SV2B: variants seen among roughly 807,000 people sequenced by gnomAD.
SV2B encodes synaptic vesicle glycoprotein 2B.
A neutral mutation model predicts 73.9 loss-of-function variants in SV2B; 41 were observed. That is an observed-to-expected ratio of 0.56 (90% confidence interval 0.43 to 0.72). The LOEUF is 0.72. Among genes scored for constraint, SV2B ranks in the 30% least tolerant of loss-of-function variants. The pLI is 0.00. For synonymous variants in SV2B, 314 were observed against 314.2 expected (o/e 1.00, Z 0.01); for missense variants, 764 against 857.8 (o/e 0.89, Z 1.37).
rs989498464 is a variant in SV2B, at chr15:91,292,639, G to A, written c.*87G>A. ...ACTTCCTGCCTATCACGGTCCGGAG[G>A]ACACCTTGGATAGCACGGGAGGAGA... is the stretch of plus-strand genomic sequence containing the variant. On this transcript the variant is annotated 3_prime_UTR_variant, in exon 13 of 13. Coordinates refer to ENST00000394232, the MANE Select transcript of SV2B (RefSeq NM_001323032.3). 29 of 1,483,412 alleles carry A rather than the reference G, an allele frequency of 2.0e-5. No individual in the cohort carries two copies. Among genetic ancestry groups the A allele is most frequent in the Non-Finnish European group, 2.4e-5 (27 of 1,107,010 alleles). The allele number at this position is 1,483,412 out of a possible 1,614,324, so 91.9% of individuals were successfully genotyped here.
At chr15:91,215,062 G>C (rs1596600583) in intron 1 of SV2B, among the ~76,000 whole-genome samples, 2 of 152,196 alleles carry the variant, frequency 1.3e-5, no homozygotes, top group East Asian at 3.9e-4. Context: ...CTGCAGGAGG[G>C]ACAGGTTCTG....
chr15:91,289,656 T>C lies in SV2B; in HGVS notation c.1844T>C (p.Val615Ala), dbSNP rs1245384888. Residue 615 changes from valine to alanine, a missense_variant, in exon 12 of 13, where the codon GTG (valine) becomes GCG (alanine). By Grantham distance (64) the Val-to-Ala change is moderately conservative (BLOSUM62 0). Transcript: ENST00000394232. This position sits in a 1 kb window ranked among gnomAD's most constrained non-coding sequence, Gnocchi z 4.9. Reference protein sequence around the residue: ...AAWNALDVITVELYPTNQRAT... With the variant: ...AAWNALDVITAELYPTNQRAT... ...TGGAATGCTCTGGATGTGATCACAG[T>C]GGAGCTGTATCCCACCAACCAGAGG... 1.9e-6 allele frequency: 3 copies of C among 1,613,538 alleles called. No individual in the cohort carries two copies. The African/African-American group carries it at 4.0e-5, about 22-fold the overall frequency.
chr15:91,213,566 C>G (rs766154054), intron 1 of SV2B, among the ~76,000 whole-genome samples: 5 of 152,090 alleles, frequency 3.3e-5, no homozygotes, highest in Non-Finnish European at 4.4e-5. Context: ...GGCAGCACTT[C>G]CTGTCTGGGT....
chr15:91,266,722 A>T, intron 7 of SV2B, 30 bp downstream of exon 7: 1 of 1,539,018 alleles, frequency 6.5e-7, no homozygotes, highest in Non-Finnish European at 9.0e-7. Context: ...TTGGATGAGG[A>T]TGCGTCTCTA....
chr15:91,292,686 T>C lies in SV2B; in HGVS notation c.*134T>C. 1.8e-6 allele frequency: 2 copies of C among 1,092,314 alleles called. No homozygotes were observed. Among genetic ancestry groups the C allele is most frequent in the South Asian group, 3.6e-5 (2 of 55,880 alleles). 67.7% of individuals were successfully genotyped at this position (1,092,314 alleles called of 1,614,324 possible). ...GAGAAGTTGACTTTGTGACCCCTAG[T>C]TTAGGACCCACTTCAGCTGTCAATA... On this transcript the variant is annotated 3_prime_UTR_variant, in exon 13 of 13. Transcript: ENST00000394232.
chr15:91,185,762 A>G (rs1436076786), intron 1 of SV2B, among the ~76,000 whole-genome samples: 1 of 152,220 alleles, frequency 6.6e-6, no homozygotes, highest in Non-Finnish European at 1.5e-5. Context: ...AGTACCTTGC[A>G]AGGCAGATTG....
chr15:91,247,960 T>C (rs1207991787), intron 2 of SV2B, among the ~76,000 whole-genome samples: 1 of 152,152 alleles, frequency 6.6e-6, no homozygotes, highest in Non-Finnish European at 1.5e-5. Context: ...TTATTATTAT[T>C]ATTCGATTCT....
chr15:91,266,733 T>C (rs2048118040), intron 7 of SV2B, 41 bp downstream of exon 7: 2 of 1,490,626 alleles, frequency 1.3e-6, no homozygotes, highest in Non-Finnish European at 1.9e-6. Flanking sequence ...TGCGTCTCTA[T>C]GGGAGTCTCT....
chr15:91,292,225 A>G, intron 12 of SV2B, 144 bp from the exon 13 acceptor site: 1 of 680,768 alleles, frequency 1.5e-6, no homozygotes, highest in South Asian at 2.6e-5. Context: ...AAATTTGACT[A>G]CAATGAGAAT....
chr15:91,159,900 A>G (rs2043649891), intron 1 of SV2B, among the ~76,000 whole-genome samples: 1 of 152,196 alleles, frequency 6.6e-6, no homozygotes, highest in African/African-American at 2.4e-5. Flanking sequence ...TCTGGAAAAA[A>G]GATGAATACA....
In SV2B at chr15:91,281,910, T is replaced by G; in HGVS notation, c.1507+49T>G. On this transcript the variant is annotated intron_variant, in intron 10 of 12. Coordinates refer to ENST00000394232, the MANE Select transcript of SV2B (RefSeq NM_001323032.3). This position sits in a 1 kb window ranked among gnomAD's most constrained non-coding sequence, Gnocchi z 4.7. ...GAATAGAAAGTAACAGGAGACAACT[T>G]GTGTTGTCCAAGAATCAAAATGGTC... 1 of 1,548,358 alleles carries G rather than the reference T, an allele frequency of 6.5e-7. No individual in the cohort carries two copies. The highest frequency in any genetic ancestry group is 8.8e-7 in the Non-Finnish European group (1 of 1,139,858).
rs980220719 is a variant in SV2B, at chr15:91,145,461, T to C, written c.-392+45098T>C. ...GCTGCAATGAACATACATGTGCATA[T>C]GTTTTTATAATAGAATGCTTTATAT... On this transcript the variant is annotated intron_variant, in intron 1 of 12. Coordinates refer to ENST00000394232, the MANE Select transcript of SV2B (RefSeq NM_001323032.3). Among the ~76,000 whole-genome samples the C allele has an allele frequency of 3.9e-5, 6 of 152,236 alleles. No individual in the cohort carries two copies. In the South Asian group the frequency reaches 1.0e-3, roughly 26 times the overall value.
At position 91,229,797 on chromosome 15, in the gene SV2B, C is replaced by T. The variant is rs1417142975; in HGVS notation, c.451+3083C>T. ...TGATAATGACTCAGGAACAGATTTT[C>T]TCAGGTGAGACTGCAAATTTCTTTC... is the stretch of plus-strand genomic sequence containing the variant. On this transcript the variant is annotated intron_variant, in intron 2 of 12. Coordinates refer to ENST00000394232, the MANE Select transcript of SV2B (RefSeq NM_001323032.3). This position sits in a 1 kb window ranked among gnomAD's most constrained non-coding sequence, Gnocchi z 4.3. 6.6e-6 allele frequency among the ~76,000 whole-genome samples: 1 copy of T among 152,182 alleles called. No individual in the cohort carries two copies. The highest frequency in any genetic ancestry group is 1.5e-5 in the Non-Finnish European group (1 of 68,026).
Position 91,268,323 on chromosome 15 carries a change from A to G in SV2B, c.1209-118A>G. The G allele has an allele frequency of 9.4e-7, 1 of 1,063,820 alleles. No homozygotes were observed. The highest frequency in any genetic ancestry group is 1.3e-6 in the Non-Finnish European group (1 of 759,832). 65.9% of individuals were successfully genotyped at this position (1,063,820 alleles called of 1,614,324 possible). On this transcript the variant is annotated intron_variant, in intron 8 of 12. Transcript: ENST00000394232. The surrounding 1 kb of genome is among the most constrained non-coding windows in gnomAD (Gnocchi z 4.4). ...ATTTATATTGTCAGATTTTCTAATA[A>G]TGAACCAAATTAATGTATTTTCAAT... is the stretch of plus-strand genomic sequence containing the variant.
chr15:91,169,107 C>T (rs1322807376), intron 1 of SV2B, among the ~76,000 whole-genome samples: 2 of 152,126 alleles, frequency 1.3e-5, no homozygotes, highest in East Asian at 1.9e-4. Flanking sequence ...TGTTTTTCTG[C>T]ATATGAAGTA....
chr15:91,134,781 C>A (rs1334811207), intron 1 of SV2B, among the ~76,000 whole-genome samples: 4 of 152,076 alleles, frequency 2.6e-5, no homozygotes, highest in Non-Finnish European at 5.9e-5. Context: ...AAGCAAACAA[C>A]CCCAATAAAA....
chr15:91,214,874 C>A lies in SV2B; in HGVS notation c.-391-10999C>A, dbSNP rs919553438. On this transcript the variant is annotated intron_variant, in intron 1 of 12. Coordinates refer to ENST00000394232, the MANE Select transcript of SV2B (RefSeq NM_001323032.3). This position sits in a 1 kb window ranked among gnomAD's most constrained non-coding sequence, Gnocchi z 4.7. ...CCTCAATGCTGCCTTCAGGAGCAAG[C>A]CTTCTGCCATCTGCCAGGCAGTTCT... 2.0e-5 allele frequency among the ~76,000 whole-genome samples: 3 copies of A among 152,206 alleles called. No homozygotes were observed. The highest frequency in any genetic ancestry group is 7.2e-5 in the African/African-American group (3 of 41,462).
At chr15:91,215,562 G>A (rs746203324) in intron 1 of SV2B, among the ~76,000 whole-genome samples, 96 of 152,148 alleles carry the variant, frequency 6.3e-4, no homozygotes, top group Non-Finnish European at 1.0e-3. Context: ...CATCCTGCCA[G>A]AAATATTTGC....
chr15:91,285,776 G>T (rs1027748033), intron 11 of SV2B, among the ~76,000 whole-genome samples: 4 of 152,148 alleles, frequency 2.6e-5, no homozygotes, highest in Non-Finnish European at 1.5e-5. Flanking sequence ...AGCTGAGGAA[G>T]TTCTGGGGGA....
Sources: allele counts gnomAD v4.1 joint callset (sites outside exome capture counted in the v4.1 genomes callset), GRCh38; gene constraint gnomAD v4.1.1; non-coding constraint Gnocchi (gnomAD v3.1); transcripts MANE v1.5; gene names NCBI Gene and HGNC (gene_info 2026-07-23, HGNC 2026-07-21).